The following ITPR3 variants were observed in gnomAD, a reference collection of about 807,000 sequenced individuals.
ITPR3 encodes inositol 1,4,5-trisphosphate-gated calcium channel ITPR3.
A neutral mutation model predicts 293.2 loss-of-function variants in ITPR3; 173 were observed. The observed-to-expected ratio is 0.59, with a 90% CI of 0.52 to 0.67. The LOEUF (loss-of-function observed/expected upper bound fraction) is 0.67, where lower values mean the gene tolerates loss of function less well. Among genes scored for constraint, ITPR3 ranks in the 30% least tolerant of loss-of-function variants. The pLI, the probability that ITPR3 is intolerant of heterozygous loss-of-function variation, is 0.00. For synonymous variants in ITPR3, 1,295 were observed against 1,444.4 expected (o/e 0.90, Z 2.35); for missense variants, 2,796 against 3,592.1 (o/e 0.78, Z 5.66).
intron 1 of ITPR3, among the ~76,000 whole-genome samples, chr6:33,628,768 A>G (rs1216972873): frequency 6.6e-6 from 1 of 152,182 alleles, no homozygotes; most frequent in Non-Finnish European, 1.5e-5. Context: ...AGGGGCTGTC[A>G]ACACAAATCT....
At chr6:33,647,056 T>C (rs771921734) in intron 2 of ITPR3, among the ~76,000 whole-genome samples, 8 of 152,228 alleles carry the variant, frequency 5.3e-5, no homozygotes, top group Non-Finnish European at 1.2e-4. Flanking sequence ...AGACAGGGTC[T>C]TGCTTTGTTG....
At chr6:33,663,398 G>T in intron 9 of ITPR3, 102 bp from the exon 10 acceptor site, 1 of 1,219,940 alleles carries the variant, frequency 8.2e-7, no homozygotes, top group Non-Finnish European at 1.2e-6. Flanking sequence ...CAGCCTGCCT[G>T]CCCAAACCCA....
chr6:33,661,118 G>C (rs1453722637), intron 7 of ITPR3, among the ~76,000 whole-genome samples: 2 of 152,112 alleles, frequency 1.3e-5, no homozygotes, highest in Non-Finnish European at 2.9e-5. Context: ...GCGCTACTGG[G>C]GCACAGAAGT....
Position 33,684,091 on chromosome 6 carries a change from CCTGCACTGGCCTGAG to C in ITPR3, c.4865_4879del (p.His1622_Leu1626del), listed in dbSNP as rs775689384. The C allele has an allele frequency of 1.2e-6, 2 of 1,611,630 alleles. No individual in the cohort carries two copies. The highest frequency in any genetic ancestry group is 1.7e-6 in the Non-Finnish European group (2 of 1,179,968). On this transcript the variant is annotated inframe_deletion, in exon 36 of 58. Transcript: ENST00000605930. The surrounding 1 kb of genome is among the most constrained non-coding windows in gnomAD (Gnocchi z 4.2). ...CTGAGCTGTCCGTGCTGGTGGATGT[CCTGCACTGGCCTGAG>C]CTGCTCTTCCTGGAGGGCAGTGAGG...
At position 33,691,771 on chromosome 6, in the gene ITPR3, C is replaced by G; in HGVS notation, c.7331-30C>G. 6.2e-7 allele frequency: 1 copy of G among 1,606,412 alleles called. No individual in the cohort carries two copies. Among genetic ancestry groups the G allele is most frequent in the Non-Finnish European group, 8.5e-7 (1 of 1,176,962 alleles). On this transcript the variant is annotated intron_variant, in intron 53 of 57. Transcript: ENST00000605930. The surrounding 1 kb of genome is among the most constrained non-coding windows in gnomAD (Gnocchi z 4.9). ...TGTGTGGGGTAGGAGGAGCAGGCAG[C>G]CCGGGCCTCAGCACACTCTCCGCTT...
chr6:33,686,331 G>A, intron 42 of ITPR3, 78 bp downstream of exon 42: 10 of 1,595,132 alleles, frequency 6.3e-6, no homozygotes, highest in Admixed American at 5.0e-5. Flanking sequence ...GCTGGGGCAG[G>A]GAGAGAGGCT....
rs767686058 is a variant in ITPR3 at position 33,691,586 on chromosome 6, C to T, written c.7226-29C>T. Reference sequence around the variant, plus strand: ...GGGGATAAGGCCAGGCACTGGACCTCCTGATGATCTCATCCATATCCCCTC... The same window carrying T: ...GGGGATAAGGCCAGGCACTGGACCTTCTGATGATCTCATCCATATCCCCTC... On this transcript the variant is annotated intron_variant, in intron 52 of 57. Coordinates refer to ENST00000605930, the MANE Select transcript of ITPR3 (RefSeq NM_002224.4). The surrounding 1 kb of genome is among the most constrained non-coding windows in gnomAD (Gnocchi z 4.9). The T allele has an allele frequency of 3.1e-6, 5 of 1,591,060 alleles. No individual in the cohort carries two copies. Among genetic ancestry groups the T allele is most frequent in the African/African-American group, 2.7e-5 (2 of 74,534 alleles).
Position 33,666,609 on chromosome 6 carries a change from T to G in ITPR3, c.1552-520T>G, listed in dbSNP as rs568144137. 3.9e-5 allele frequency among the ~76,000 whole-genome samples: 6 copies of G among 152,166 alleles called. No individual in the cohort carries two copies. Among genetic ancestry groups the G allele is most frequent in the East Asian group, 1.9e-4 (1 of 5,186 alleles). On this transcript the variant is annotated intron_variant, in intron 14 of 57. Transcript: ENST00000605930. The surrounding 1 kb of genome is among the most constrained non-coding windows in gnomAD (Gnocchi z 5.1). ...CAGAATGTCTTTGTAAAGTTTGTTT[T>G]TTTTTTTTTAGAAACGAGGATCCAA...
chr6:33,685,651 GCCT>G lies in ITPR3; in HGVS notation c.5495_5497del (p.Ser1832del). The G allele has an allele frequency of 6.3e-7, 1 of 1,585,298 alleles. No homozygotes were observed. Among genetic ancestry groups the G allele is most frequent in the Non-Finnish European group, 8.6e-7 (1 of 1,162,394 alleles). ...CCAGGTCTCGCCCACAGGCCGCGTG[GCCT>G]CCTTCTCGATACCTGGCTCCTCATC... On this transcript the variant is annotated inframe_deletion, in exon 41 of 58. Coordinates refer to ENST00000605930, the MANE Select transcript of ITPR3 (RefSeq NM_002224.4).
At chr6:33,688,199 G>T in intron 47 of ITPR3, 32 bp downstream of exon 47, 1 of 1,613,972 alleles carries the variant, frequency 6.2e-7, no homozygotes, top group Non-Finnish European at 8.5e-7. Flanking sequence ...GCGGGCGTGG[G>T]AGCCTGCGCC....
intron 2 of ITPR3, among the ~76,000 whole-genome samples, chr6:33,650,647 C>G (rs1231171543): frequency 3.9e-5 from 6 of 152,214 alleles, no homozygotes; most frequent in Non-Finnish European, 8.8e-5. Context: ...TTCTTCAGCT[C>G]TGGCTATTCT....
intron 9 of ITPR3, 84 bp downstream of exon 9, chr6:33,663,090 T>C: frequency 1.0e-5 from 12 of 1,161,188 alleles, no homozygotes; most frequent in Non-Finnish European, 1.5e-5. Flanking sequence ...CATACTTGCA[T>C]ATGTGGCACA....
chr6:33,666,035 T>G lies in ITPR3; in HGVS notation c.1551+59T>G. On this transcript the variant is annotated intron_variant, in intron 14 of 57. Coordinates refer to ENST00000605930, the MANE Select transcript of ITPR3 (RefSeq NM_002224.4). The surrounding 1 kb of genome is among the most constrained non-coding windows in gnomAD (Gnocchi z 5.1). ...CCGGGTGCCCGGGAGAGGGATGCCT[T>G]CAACTGCAGGCTCATCCCCCGCTTT... 1 of 1,531,698 alleles carries G rather than the reference T, an allele frequency of 6.5e-7. No individual in the cohort carries two copies. Among genetic ancestry groups the G allele is most frequent in the Non-Finnish European group, 8.8e-7 (1 of 1,131,398 alleles). The allele number at this position is 1,531,698 out of a possible 1,614,324, so 94.9% of individuals were successfully genotyped here. A position where few individuals can be genotyped will look rare whatever the true frequency, so the allele number is the denominator to read the frequency against.
intron 7 of ITPR3, among the ~76,000 whole-genome samples, chr6:33,662,016 A>AAAAAAAAAAAAAAAAC (rs1195798519): frequency 6.8e-6 from 1 of 147,454 alleles, no homozygotes; most frequent in Non-Finnish European, 1.5e-5. Flanking sequence ...AAAAAAAAAA[A>AAAAAAAAAAAAAAAAC]AGACAGGATC....
chr6:33,694,770 G>A (rs1765492919), intron 56 of ITPR3, 154 bp from the exon 57 acceptor site: 5 of 925,418 alleles, frequency 5.4e-6, no homozygotes, highest in African/African-American at 3.3e-5. Context: ...GCCCCGGGGA[G>A]GACCAGGTCA....
chr6:33,643,790 A>T (rs1271439626), intron 2 of ITPR3, among the ~76,000 whole-genome samples: 1 of 152,096 alleles, frequency 6.6e-6, no homozygotes, highest in East Asian at 1.9e-4. Flanking sequence ...CTCCATTTGC[A>T]TGACTGGATG....
chr6:33,680,326 C>T lies in ITPR3; in HGVS notation c.4225-3C>T, dbSNP rs202199707. The stretch of plus-strand genomic sequence containing the variant: ...CGCCCCTGACCTCCCGCCCACTGCC[C>T]AGGTGAAAATGGCCTATGTGAACTT... On this transcript the variant is annotated splice_region_variant and splice_polypyrimidine_tract_variant and intron_variant, in intron 31 of 57. Coordinates refer to ENST00000605930, the MANE Select transcript of ITPR3 (RefSeq NM_002224.4). 709 of 1,612,672 alleles carry T rather than the reference C, an allele frequency of 4.4e-4. 2 individuals carry two copies. In the African/African-American group the frequency reaches 7.0e-3, roughly 16 times the overall value.
Position 33,688,301 on chromosome 6 carries a change from C to T in ITPR3, c.6438C>T (p.Phe2146=). 4 of 1,614,216 alleles carry T rather than the reference C, an allele frequency of 2.5e-6. No homozygotes were observed. Among genetic ancestry groups the T allele is most frequent in the Non-Finnish European group, 3.4e-6 (4 of 1,180,032 alleles). ...TCCCAGTGCCCGGCATCTGCCAGTTCCTGACGGAGGAAACCAAGCACCGGC... is the reference window on the plus strand; with the variant it reads ...TCCCAGTGCCCGGCATCTGCCAGTTTCTGACGGAGGAAACCAAGCACCGGC... The part of the protein sequence containing the change: ...IVFPVPGICQ[F]LTEETKHRLF... The change falls in exon 48 of 58, where the codon TTC becomes TTT. Residue 2146 remains phenylalanine (F), a synonymous_variant. Coordinates refer to ENST00000605930, the MANE Select transcript of ITPR3 (RefSeq NM_002224.4).
At chr6:33,686,563 A>G (rs1765237246) in intron 43 of ITPR3, 44 bp downstream of exon 43, 1 of 1,332,840 alleles carries the variant, frequency 7.5e-7, no homozygotes, top group Non-Finnish European at 1.1e-6. Flanking sequence ...TGTGCATGTG[A>G]TGTGCATGCA....
Sources: gnomAD v4.1 joint callset for allele counts (sites outside exome capture counted in the v4.1 genomes callset) on GRCh38, gnomAD v4.1.1 for gene constraint, Gnocchi (gnomAD v3.1) non-coding constraint, MANE v1.5 for transcripts, NCBI Gene and HGNC (gene_info 2026-07-23, HGNC 2026-07-21) for gene names.